The following WWC2 variants were observed in gnomAD, a reference collection of about 807,000 sequenced individuals.
The protein encoded by WWC2 is WW and C2 domain containing 2.
WWC2 carries 101 observed loss-of-function variants against 138.5 expected under a neutral mutation model. That is an observed-to-expected ratio of 0.73 (90% CI 0.62 to 0.86). The LOEUF (loss-of-function observed/expected upper bound fraction) is 0.86. WWC2 is among the 40% of genes least tolerant of loss of function. The pLI is 0.00. For synonymous variants in WWC2, 558 were observed against 538.4 expected (o/e 1.04, Z -0.50); for missense variants, 1,420 against 1,419.4 (o/e 1.00, Z -0.01).
intron 4 of WWC2, among the ~76,000 whole-genome samples, chr4:183,218,590 C>T (rs958583414): frequency 1.3e-5 from 2 of 152,098 alleles, no homozygotes; most frequent in African/African-American, 4.8e-5. Context: ...TCCAGATTTG[C>T]GGCATGGGCT....
At chr4:183,242,339 A>T (rs1451587362) in intron 5 of WWC2, among the ~76,000 whole-genome samples, 1 of 152,238 alleles carries the variant, frequency 6.6e-6, no homozygotes, top group East Asian at 1.9e-4. Flanking sequence ...AGGCTTTGTA[A>T]CTTTTATTTA....
chr4:183,303,527 A>G (rs1738927199), intron 21 of WWC2, among the ~76,000 whole-genome samples: 1 of 152,218 alleles, frequency 6.6e-6, no homozygotes, highest in African/African-American at 2.4e-5. Context: ...CCCCATGACG[A>G]CAGTCCTCAC....
rs758819807 is a variant in WWC2, at chr4:183,264,975, T to C, written c.1910-3T>C. Reference sequence around the variant, plus strand: ...ATTAGTGCTCTCACCCTCCCCTCCATAGATGTGGAAAAATCATTACCAAAA... The same window carrying C: ...ATTAGTGCTCTCACCCTCCCCTCCACAGATGTGGAAAAATCATTACCAAAA... On this transcript the variant is annotated splice_polypyrimidine_tract_variant and splice_region_variant and intron_variant, in intron 11 of 22. Coordinates refer to ENST00000403733, the MANE Select transcript of WWC2 (RefSeq NM_024949.6). 1.2e-6 allele frequency: 2 copies of C among 1,611,768 alleles called. No homozygotes were observed. Among genetic ancestry groups the C allele is most frequent in the South Asian group, 1.1e-5 (1 of 90,498 alleles).
intron 21 of WWC2, among the ~76,000 whole-genome samples, chr4:183,292,986 C>T (rs142530723): frequency 2.6e-5 from 4 of 152,200 alleles, no homozygotes; most frequent in South Asian, 2.1e-4. Context: ...GTGTTTCTTT[C>T]GCTCTGTTAC....
chr4:183,169,932 T>C (rs1734230425), intron 1 of WWC2, among the ~76,000 whole-genome samples: 1 of 152,224 alleles, frequency 6.6e-6, no homozygotes, highest in South Asian at 2.1e-4. Flanking sequence ...GGTAGACTTT[T>C]ACCTAAGTAG....
chr4:183,119,845 A>G (rs182130064), intron 1 of WWC2, among the ~76,000 whole-genome samples: 16 of 152,236 alleles, frequency 1.1e-4, no homozygotes, highest in Admixed American at 9.8e-4. Flanking sequence ...TACTACGTTC[A>G]TTTTCTTTCC....
intron 4 of WWC2, among the ~76,000 whole-genome samples, chr4:183,215,186 T>C (rs1340580713): frequency 3.3e-5 from 5 of 152,254 alleles, no homozygotes; most frequent in Admixed American, 3.3e-4. Flanking sequence ...CGACAATGAC[T>C]AATAATAAAT....
At chr4:183,214,128 A>G (rs1406026976) in intron 4 of WWC2, among the ~76,000 whole-genome samples, 1 of 152,186 alleles carries the variant, frequency 6.6e-6, no homozygotes, top group Non-Finnish European at 1.5e-5. Context: ...CTTTAATACA[A>G]CTTTTAATTT....
chr4:183,313,478 A>T (rs1739332247), intron 22 of WWC2, among the ~76,000 whole-genome samples: 1 of 151,928 alleles, frequency 6.6e-6, no homozygotes, highest in South Asian at 2.1e-4. Context: ...AATGCTGGGG[A>T]GCAGGGGTGT....
At chr4:183,224,797 G>A (rs1287879901) in intron 4 of WWC2, among the ~76,000 whole-genome samples, 2 of 152,198 alleles carry the variant, frequency 1.3e-5, no homozygotes, top group East Asian at 3.9e-4. Context: ...CTGACCTCAA[G>A]TGATCTGCCT....
chr4:183,170,721 A>G (rs1429733586), intron 1 of WWC2, among the ~76,000 whole-genome samples: 1 of 152,138 alleles, frequency 6.6e-6, no homozygotes, highest in East Asian at 1.9e-4. Context: ...TTAAAGTGAC[A>G]GGGTCTCGCT....
chr4:183,276,861 T>G (rs1737871325), intron 16 of WWC2, among the ~76,000 whole-genome samples: 1 of 152,126 alleles, frequency 6.6e-6, no homozygotes, highest in African/African-American at 2.4e-5. Context: ...GGTCTGCCGT[T>G]ATTTCTTTGA....
chr4:183,113,511 T>TGCGCGCGC (rs764721220), intron 1 of WWC2, among the ~76,000 whole-genome samples: 64 of 130,234 alleles, frequency 4.9e-4, no homozygotes, highest in Middle Eastern at 3.8e-3. Context: ...TGTGTGTGTG[T>TGCGCGCGC]GTGTGCGCGC....
rs376850602 is a variant in WWC2, at chr4:183,135,544, T to TTATA, written c.131+35935_131+35938dup. On this transcript the variant is annotated intron_variant, in intron 1 of 22. Transcript: ENST00000403733. ...ATGCTACTTTTGTTCAGTACTTTAA[T>TTATA]TATATATATATATATAGATACACAT... Among the ~76,000 whole-genome samples, 1,243 of 150,014 alleles carry TTATA rather than the reference T, an allele frequency of 8.3e-3. 6 individuals carry two copies. Among genetic ancestry groups the TTATA allele is most frequent in the Non-Finnish European group, 9.7e-3 (652 of 67,480 alleles).
chr4:183,156,120 A>G (rs1733797015), intron 1 of WWC2, among the ~76,000 whole-genome samples: 1 of 151,722 alleles, frequency 6.6e-6, no homozygotes, highest in African/African-American at 2.4e-5. Context: ...TCCACATCCC[A>G]GGTTCAAGCT....
intron 2 of WWC2, among the ~76,000 whole-genome samples, chr4:183,196,506 A>G (rs1268181303): frequency 6.6e-6 from 1 of 152,162 alleles, no homozygotes; most frequent in Non-Finnish European, 1.5e-5. Flanking sequence ...TCCTTGGGTG[A>G]TAACTTCAGT....
chr4:183,120,002 G>A (rs1180294676), intron 1 of WWC2, among the ~76,000 whole-genome samples: 4 of 152,092 alleles, frequency 2.6e-5, no homozygotes, highest in Non-Finnish European at 5.9e-5. Flanking sequence ...AACCCACAAC[G>A]GAAATGGAAA....
chr4:183,108,837 C>T (rs554680299), intron 1 of WWC2, among the ~76,000 whole-genome samples: 3 of 152,226 alleles, frequency 2.0e-5, no homozygotes, highest in Admixed American at 1.3e-4. Context: ...TCTTGAACTC[C>T]TGACCTAGTG....
intron 21 of WWC2, among the ~76,000 whole-genome samples, chr4:183,304,617 G>A (rs1189971464): frequency 6.6e-6 from 1 of 152,116 alleles, no homozygotes; most frequent in African/African-American, 2.4e-5. Context: ...CTTCCATGTG[G>A]AAGAAGGGGA....
Sources: allele counts gnomAD v4.1 joint callset (sites outside exome capture counted in the v4.1 genomes callset), GRCh38; gene constraint gnomAD v4.1.1; transcripts MANE v1.5; gene names NCBI Gene and HGNC (gene_info 2026-07-23, HGNC 2026-07-21).